The following TYW1 variants were observed in gnomAD, a reference collection of about 807,000 sequenced individuals.
TYW1 encodes the protein S-adenosyl-L-methionine-dependent tRNA 4-demethylwyosine synthase TYW1.
Under a neutral mutation model 96.2 loss-of-function variants are expected in TYW1, and 46 were observed. The ratio of observed to expected loss-of-function variants is 0.48; its 90% CI spans 0.38 to 0.61. The LOEUF is 0.61. TYW1 is among the 20% of genes least tolerant of loss of function. The probability of loss-of-function intolerance (pLI) is 0.00; values close to 1 mark genes in which losing one functional copy is unlikely to be tolerated. For synonymous variants in TYW1, 274 were observed against 323.0 expected, an observed-to-expected ratio of 0.85 and a Z score of 1.63; for missense variants, 684 against 909.6, an observed-to-expected ratio of 0.75 and a Z score of 3.19.
At chr7:67,000,805 A>G (rs1358837799) in intron 3 of TYW1, among the ~76,000 whole-genome samples, 1 of 152,152 alleles carries the variant, frequency 6.6e-6, no homozygotes, top group African/African-American at 2.4e-5. Flanking sequence ...AATAAATTAG[A>G]GGAAAAATCA....
At chr7:67,072,825 T>C (rs1796069975) in intron 10 of TYW1, among the ~76,000 whole-genome samples, 1 of 151,800 alleles carries the variant, frequency 6.6e-6, no homozygotes, top group African/African-American at 2.4e-5. Flanking sequence ...TGGAGTACAG[T>C]GGTGCAATCA....
intron 15 of TYW1, among the ~76,000 whole-genome samples, chr7:67,215,426 A>G (rs1425819270): frequency 6.6e-6 from 1 of 151,908 alleles, no homozygotes; most frequent in Non-Finnish European, 1.5e-5. Flanking sequence ...TACTAAAGCC[A>G]TTACTGGACA....
intron 13 of TYW1, among the ~76,000 whole-genome samples, chr7:67,158,698 T>C (rs1407089887): frequency 6.6e-6 from 1 of 152,112 alleles, no homozygotes; most frequent in Non-Finnish European, 1.5e-5. Flanking sequence ...GCCTACCGTG[T>C]AGCTGGGACT....
intron 7 of TYW1, among the ~76,000 whole-genome samples, chr7:67,042,040 TTAA>T (rs72449866): frequency 3.1e-4 from 23 of 73,126 alleles, no homozygotes; most frequent in South Asian, 9.1e-4. Flanking sequence ...TATATTAGAA[TTAA>T]TATATAATTA....
chr7:67,190,966 TA>T, intron 14 of TYW1, among the ~76,000 whole-genome samples: 1 of 140,328 alleles, frequency 7.1e-6, no homozygotes, highest in East Asian at 2.2e-4. Context: ...AGGAAGACTT[TA>T]TGGCCCCATC....
intron 12 of TYW1, among the ~76,000 whole-genome samples, chr7:67,101,661 G>A (rs1193911415): frequency 1.3e-5 from 2 of 151,744 alleles, no homozygotes; most frequent in Non-Finnish European, 2.9e-5. Flanking sequence ...GACTACAGGC[G>A]CACACCACCA....
chr7:67,187,449 A>G (rs1800065197), intron 14 of TYW1, among the ~76,000 whole-genome samples: 1 of 152,234 alleles, frequency 6.6e-6, no homozygotes, highest in Non-Finnish European at 1.5e-5. Context: ...GTCATGTCAT[A>G]TCTTTCATAA....
chr7:67,219,547 C>T (rs1184495173), intron 15 of TYW1, among the ~76,000 whole-genome samples: 1 of 152,200 alleles, frequency 6.6e-6, no homozygotes, highest in Non-Finnish European at 1.5e-5. Context: ...TCTTAAATTA[C>T]TGATTTAATC....
intron 15 of TYW1, among the ~76,000 whole-genome samples, chr7:67,200,647 T>C (rs1009689303): frequency 3.3e-5 from 5 of 152,102 alleles, no homozygotes; most frequent in African/African-American, 1.2e-4. Flanking sequence ...ACCATATCAG[T>C]TCCTGCCTTC....
chr7:67,227,332 C>T (rs543302358), intron 15 of TYW1, among the ~76,000 whole-genome samples: 17 of 152,318 alleles, frequency 1.1e-4, no homozygotes, highest in African/African-American at 3.8e-4. Flanking sequence ...TCTCTGCTCA[C>T]AGCAACCTCC....
chr7:67,023,277 A>G (rs1188230064), intron 6 of TYW1, among the ~76,000 whole-genome samples: 2 of 151,688 alleles, frequency 1.3e-5, no homozygotes, highest in Admixed American at 1.3e-4. Flanking sequence ...TTGTATTTTT[A>G]GTAGGGACAG....
intron 15 of TYW1, among the ~76,000 whole-genome samples, chr7:67,205,597 G>T (rs112892570): frequency 0.049 from 7,237 of 147,780 alleles, 309 homozygotes; most frequent in South Asian, 0.068. Flanking sequence ...ATACCGCCCT[G>T]GTAGTAGGAG....
At chr7:67,085,940 C>G (rs1193401915) in intron 11 of TYW1, among the ~76,000 whole-genome samples, 1 of 151,614 alleles carries the variant, frequency 6.6e-6, no homozygotes, top group African/African-American at 2.4e-5. Context: ...CCACTGGACT[C>G]CAGCCTGGGT....
At chr7:67,189,047 C>A (rs546373615) in intron 14 of TYW1, among the ~76,000 whole-genome samples, 1 of 152,342 alleles carries the variant, frequency 6.6e-6, no homozygotes, top group Non-Finnish European at 1.5e-5. Context: ...CATTCAACTT[C>A]TTTTTCTCAT....
intron 2 of TYW1, 145 bp downstream of exon 2, chr7:66,998,340 G>A (rs1385142597): frequency 1.1e-5 from 13 of 1,143,600 alleles, no homozygotes; most frequent in Non-Finnish European, 1.4e-5. Context: ...TCTTCTCTAA[G>A]TTTTTGGAGA....
Position 67,094,919 on chromosome 7 carries a change from C to T in TYW1, c.1385-3622C>T, listed in dbSNP as rs2690202. On this transcript the variant is annotated intron_variant, in intron 11 of 15. Coordinates refer to ENST00000359626, the MANE Select transcript of TYW1 (RefSeq NM_018264.4). ...GCAGGTTGTACAGGGGATCAAGGCCCGTTGTTTTGGGTTAAATAAAGTGGT... is the reference window on the plus strand; with the variant it reads ...GCAGGTTGTACAGGGGATCAAGGCCTGTTGTTTTGGGTTAAATAAAGTGGT... 3.1e-3 allele frequency among the ~76,000 whole-genome samples: 473 copies of T among 151,910 alleles called. 1 individual carries two copies. The highest frequency in any genetic ancestry group is 5.1e-3 in the Non-Finnish European group (345 of 67,974).
intron 13 of TYW1, among the ~76,000 whole-genome samples, chr7:67,147,689 T>C (rs1258924363): frequency 1.3e-5 from 2 of 152,176 alleles, no homozygotes; most frequent in African/African-American, 4.8e-5. Flanking sequence ...TGGTTTTCCA[T>C]TCCTGTGTTA....
chr7:67,150,678 G>C (rs1437385833), intron 13 of TYW1, among the ~76,000 whole-genome samples: 1 of 152,088 alleles, frequency 6.6e-6, no homozygotes, highest in Non-Finnish European at 1.5e-5. Context: ...CTACTTTTCT[G>C]TTTCTTTCTT....
chr7:67,142,344 T>C (rs1158433404), intron 13 of TYW1, among the ~76,000 whole-genome samples: 1 of 152,138 alleles, frequency 6.6e-6, no homozygotes, highest in African/African-American at 2.4e-5. Flanking sequence ...CCTCAAGTGG[T>C]TTTCCTACCT....
Sources: allele counts gnomAD v4.1 joint callset (sites outside exome capture counted in the v4.1 genomes callset), GRCh38; gene constraint gnomAD v4.1.1; transcripts MANE v1.5; gene names NCBI Gene and HGNC (gene_info 2026-07-23, HGNC 2026-07-21).